Variants in LEPR observed in about 807,000 individuals in gnomAD.
The protein encoded by LEPR is leptin receptor.
LEPR carries 56 observed loss-of-function variants against 114.7 expected under a neutral mutation model. The ratio of observed to expected loss-of-function variants is 0.49; its 90% confidence interval spans 0.39 to 0.61. The LOEUF (loss-of-function observed/expected upper bound fraction) is 0.61. Ranked by LOEUF, LEPR falls within the 20% of genes least tolerant of loss-of-function variation. The probability of loss-of-function intolerance (pLI) is 0.00; values close to 1 mark genes in which losing one functional copy is unlikely to be tolerated. For missense variants in LEPR, 1,202 were observed against 1,352.9 expected, an observed-to-expected ratio of 0.89 and a Z score of 1.75; for synonymous variants, 443 against 461.4, an observed-to-expected ratio of 0.96 and a Z score of 0.51.
chr1:65,421,028 A>G (rs1460228763), intron 1 of LEPR, among the ~76,000 whole-genome samples: 3 of 151,456 alleles, frequency 2.0e-5, no homozygotes, highest in Non-Finnish European at 4.4e-5. Context: ...GGCGCCCTCC[A>G]CCTCTCCTGA....
At chr1:65,470,901 G>C (rs112142856) in intron 2 of LEPR, among the ~76,000 whole-genome samples, 3 of 152,168 alleles carry the variant, frequency 2.0e-5, no homozygotes, top group Non-Finnish European at 4.4e-5. Flanking sequence ...GAGTGAAGTG[G>C]ATGATTGATA....
At chr1:65,472,411 AACACACACACACAC>A (rs71721804) in intron 2 of LEPR, among the ~76,000 whole-genome samples, 2 of 133,286 alleles carry the variant, frequency 1.5e-5, no homozygotes, top group African/African-American at 5.8e-5. Flanking sequence ...CTGTGGCTAA[AACACACACACACAC>A]ACACACACAC....
At chr1:65,590,246 A>G (rs1229095658) in intron 5 of LEPR, among the ~76,000 whole-genome samples, 3 of 150,694 alleles carry the variant, frequency 2.0e-5, no homozygotes, top group Non-Finnish European at 4.4e-5. Context: ...AGTATCATAA[A>G]ATTATTCATA....
chr1:65,522,705 T>C (rs938743492), intron 2 of LEPR, among the ~76,000 whole-genome samples: 1 of 152,222 alleles, frequency 6.6e-6, no homozygotes, highest in Non-Finnish European at 1.5e-5. Context: ...TAAGTAACTA[T>C]AATTTCAGTC....
At chr1:65,549,605 T>G (rs373263071) in intron 2 of LEPR, among the ~76,000 whole-genome samples, 3 of 151,476 alleles carry the variant, frequency 2.0e-5, no homozygotes, top group East Asian at 1.9e-4. Flanking sequence ...TTGATCGCAT[T>G]GGCTCCTGAG....
chr1:65,601,221 T>A (rs1355241871), intron 8 of LEPR, among the ~76,000 whole-genome samples, 171 bp from the exon 9 acceptor site: 1 of 152,050 alleles, frequency 6.6e-6, no homozygotes. Context: ...CTCGGGACAC[T>A]AGATAACTGT....
At chr1:65,585,750 C>T (rs1260836980) in intron 5 of LEPR, among the ~76,000 whole-genome samples, 1 of 151,884 alleles carries the variant, frequency 6.6e-6, no homozygotes, top group East Asian at 1.9e-4. Context: ...TTGTTTTAAG[C>T]CAAGTATATC....
In LEPR at chr1:65,618,249, A is replaced by G. The variant is rs142604598; in HGVS notation, c.2395+103A>G. 4.5e-5 allele frequency: 45 copies of G among 990,118 alleles called. No individual in the cohort carries two copies. In the African/African-American group the frequency reaches 6.7e-4, roughly 15 times the overall value. 61.3% of individuals were successfully genotyped at this position (990,118 alleles called of 1,614,324 possible). Reference sequence around the variant, plus strand: ...CAGTTAATGAAAACTTCAAAAATATAGAGGATACTACCATCCTAATACATA... The same window carrying G: ...CAGTTAATGAAAACTTCAAAAATATGGAGGATACTACCATCCTAATACATA... On this transcript the variant is annotated intron_variant, in intron 16 of 19. Transcript: ENST00000349533.
intron 18 of LEPR, 77 bp downstream of exon 18, chr1:65,621,535 A>G (rs1284399735): frequency 3.3e-6 from 4 of 1,225,056 alleles, no homozygotes; most frequent in Non-Finnish European, 4.7e-6. Flanking sequence ...AACCTTCTAA[A>G]TTAGGAATAT....
At chr1:65,437,115 A>C (rs1428104751) in intron 2 of LEPR, among the ~76,000 whole-genome samples, 3 of 152,222 alleles carry the variant, frequency 2.0e-5, no homozygotes, top group Non-Finnish European at 4.4e-5. Flanking sequence ...CCACTTAACC[A>C]CTGATGGAAA....
At chr1:65,544,716 A>G (rs1430984877) in intron 2 of LEPR, among the ~76,000 whole-genome samples, 1 of 150,530 alleles carries the variant, frequency 6.6e-6, no homozygotes, top group African/African-American at 2.5e-5. Flanking sequence ...TTTTTTGCAT[A>G]TAAATATAAT....
At chr1:65,479,322 A>G (rs958420580) in intron 2 of LEPR, among the ~76,000 whole-genome samples, 2 of 152,178 alleles carry the variant, frequency 1.3e-5, no homozygotes, top group Non-Finnish European at 2.9e-5. Context: ...ATCATGGAAC[A>G]TTTATGAATC....
Position 65,637,026 on chromosome 1 carries a change from G to T in LEPR, c.*11G>T. On this transcript the variant is annotated 3_prime_UTR_variant, in exon 20 of 20. Transcript: ENST00000349533. ...GACCTAACTGTGTAATTTCACTGAA[G>T]AAACCTTCAGATTTGTGTTATAATG... 2 of 1,611,408 alleles carry T rather than the reference G, an allele frequency of 1.2e-6. No homozygotes were observed. Among genetic ancestry groups the T allele is most frequent in the East Asian group, 2.2e-5 (1 of 44,866 alleles).
At position 65,622,274 on chromosome 1, in the gene LEPR, A is replaced by T. The variant is rs529402933; in HGVS notation, c.2598-632A>T. Among the ~76,000 whole-genome samples, 13 of 152,250 alleles carry T rather than the reference A, an allele frequency of 8.5e-5. No individual in the cohort carries two copies. The East Asian group carries it at 2.5e-3, about 29-fold the overall frequency. On this transcript the variant is annotated intron_variant, in intron 18 of 19. Coordinates refer to ENST00000349533, the MANE Select transcript of LEPR (RefSeq NM_002303.6). ...TTGGGTTAAGGACGTTTTGTGGTGA[A>T]GTGGGTGGTAAAAGTAGCCTTTTAG...
intron 2 of LEPR, among the ~76,000 whole-genome samples, chr1:65,498,743 G>A (rs1406109745): frequency 6.6e-6 from 1 of 152,042 alleles, no homozygotes; most frequent in Non-Finnish European, 1.5e-5. Flanking sequence ...ACCTTGCAAA[G>A]ACATTGATCA....
intron 2 of LEPR, among the ~76,000 whole-genome samples, chr1:65,547,551 G>A (rs943123314): frequency 4.0e-5 from 6 of 151,680 alleles, no homozygotes; most frequent in South Asian, 2.1e-4. Context: ...TGTATGTGTC[G>A]AGGAATTTAT....
chr1:65,546,021 C>T (rs1651683222), intron 2 of LEPR, among the ~76,000 whole-genome samples: 1 of 151,420 alleles, frequency 6.6e-6, no homozygotes, highest in Admixed American at 6.6e-5. Context: ...CAGCTTTCTA[C>T]ATATGGCTAG....
intron 10 of LEPR, among the ~76,000 whole-genome samples, chr1:65,604,666 G>T (rs528804651): frequency 6.6e-6 from 1 of 152,192 alleles, no homozygotes; most frequent in South Asian, 2.1e-4. Flanking sequence ...GCCACGGACC[G>T]GTACCTGTCT....
At position 65,420,760 on chromosome 1, in the gene LEPR, T is replaced by C; in HGVS notation, c.-97+20T>C. ...TTAAAGGTACATCGCGGTCCCCGGCTCGCTTGTCGTGTGGTGGGGTTGCCA... is the reference window on the plus strand; with the variant it reads ...TTAAAGGTACATCGCGGTCCCCGGCCCGCTTGTCGTGTGGTGGGGTTGCCA... On this transcript the variant is annotated intron_variant, in intron 1 of 19. Transcript: ENST00000349533. 6.3e-7 allele frequency: 1 copy of C among 1,576,850 alleles called. No homozygotes were observed. Among genetic ancestry groups the C allele is most frequent in the Non-Finnish European group, 8.6e-7 (1 of 1,162,966 alleles).
Sources: allele counts gnomAD v4.1 joint callset (sites outside exome capture counted in the v4.1 genomes callset), GRCh38; gene constraint gnomAD v4.1.1; transcripts MANE v1.5; gene names NCBI Gene and HGNC (gene_info 2026-07-23, HGNC 2026-07-21).